Variants in TET2 observed in about 807,000 individuals in gnomAD.
TET2 encodes methylcytosine dioxygenase TET2.
TET2 carries 299 observed loss-of-function variants against 142.9 expected under a neutral mutation model. That is an observed-to-expected ratio of 2.09 (90% confidence interval 1.90 to 2.30). The LOEUF (loss-of-function observed/expected upper bound fraction) is 2.30, where lower values mean the gene tolerates loss of function less well. Ranked by LOEUF, TET2 falls within the 30% of genes most tolerant of loss-of-function variation. The pLI is 0.00. For synonymous variants in TET2, 819 were observed against 849.0 expected, an observed-to-expected ratio of 0.96 and a Z score of 0.61; for missense variants, 2,418 against 2,378.0, an observed-to-expected ratio of 1.02 and a Z score of -0.35.
At chr4:105,248,842 C>T (rs1729714772) in intron 6 of TET2, among the ~76,000 whole-genome samples, 1 of 151,938 alleles carries the variant, frequency 6.6e-6, no homozygotes. Context: ...TAAGTGGCAA[C>T]CACAAATAAA....
At chr4:105,256,581 G>T (rs1032318809) in intron 6 of TET2, among the ~76,000 whole-genome samples, 1 of 151,980 alleles carries the variant, frequency 6.6e-6, no homozygotes, top group African/African-American at 2.4e-5. Flanking sequence ...CATATCTTTG[G>T]GTTTATGTTA....
chr4:105,231,950 G>T (rs1467786925), intron 2 of TET2, among the ~76,000 whole-genome samples: 1 of 152,114 alleles, frequency 6.6e-6, no homozygotes, highest in Non-Finnish European at 1.5e-5. Context: ...ATGCCTTGGG[G>T]GTTTGGTGTA....
At chr4:105,156,246 T>C (rs954817658) in intron 1 of TET2, among the ~76,000 whole-genome samples, 1 of 152,346 alleles carries the variant, frequency 6.6e-6, no homozygotes, top group Admixed American at 6.5e-5. Flanking sequence ...TTATAAGTAA[T>C]TTATACAGAA....
intron 2 of TET2, among the ~76,000 whole-genome samples, chr4:105,230,734 A>T (rs1239039850): frequency 6.6e-6 from 1 of 152,058 alleles, no homozygotes; most frequent in African/African-American, 2.4e-5. Context: ...ACAACTTTTA[A>T]CTCTTTTTAC....
rs1481749168 is a variant in TET2 at position 105,276,498 on chromosome 4, G to A, written c.5988G>A (p.Gly1996=). Residue 1996 remains glycine (G), a synonymous_variant, in exon 11 of 11, where the codon GGG becomes GGA. Transcript: ENST00000380013. The stretch of plus-strand genomic sequence containing the variant: ...CATATGCCTTCACTCGGGTCACAGG[G>A]CCTTACAACAGATATATATGATATC... ...TSPYAFTRVT[G]PYNRYI The A allele has an allele frequency of 1.3e-6, 2 of 1,551,268 alleles. No individual in the cohort carries two copies. Among genetic ancestry groups the A allele is most frequent in the African/African-American group, 2.7e-5 (2 of 73,096 alleles).
Position 105,236,474 on chromosome 4 carries a change from T to G in TET2, c.2532T>G (p.Asn844Lys). 1 of 1,614,032 alleles carries G rather than the reference T, an allele frequency of 6.2e-7. No homozygotes were observed. Among genetic ancestry groups the G allele is most frequent in the Non-Finnish European group, 8.5e-7 (1 of 1,179,978 alleles). ...ACAATACACACCTAGTTTCAGAGAA[T>G]AAAGAACAGACTACACATCCTGAAC... Reference protein sequence around the residue: ...CSNNTHLVSENKEQTTHPELF... With the variant: ...CSNNTHLVSEKKEQTTHPELF... The change falls in exon 3 of 11, where the codon AAT becomes AAG. Residue 844 changes from asparagine (N) to lysine (K), a missense_variant. Asn to Lys is a moderately conservative substitution (Grantham distance 94). Coordinates refer to ENST00000380013, the MANE Select transcript of TET2 (RefSeq NM_001127208.3).
At chr4:105,202,233 T>A (rs551509399) in intron 2 of TET2, 2 of 152,148 alleles carry the variant, frequency 1.3e-5, no homozygotes, top group Admixed American at 1.3e-4. Flanking sequence ...TAACTTATTA[T>A]AGAAGGCTTA....
At chr4:105,232,946 A>G (rs1355899019) in intron 2 of TET2, among the ~76,000 whole-genome samples, 1 of 152,190 alleles carries the variant, frequency 6.6e-6, no homozygotes, top group Admixed American at 6.5e-5. Flanking sequence ...TAGTTTGAGA[A>G]CCATGCAGGC....
chr4:105,250,553 G>T (rs1729822482), intron 6 of TET2, among the ~76,000 whole-genome samples: 2 of 151,336 alleles, frequency 1.3e-5, no homozygotes, highest in Non-Finnish European at 2.9e-5. Context: ...TTTGACTGGG[G>T]TTCTGTTGAA....
At chr4:105,219,818 C>G (rs1727709093) in intron 2 of TET2, among the ~76,000 whole-genome samples, 1 of 152,016 alleles carries the variant, frequency 6.6e-6, no homozygotes, top group African/African-American at 2.4e-5. Flanking sequence ...GAGATTTACC[C>G]TCATTATATA....
chr4:105,240,986 TG>T, intron 3 of TET2: 2 of 1,087,046 alleles, frequency 1.8e-6, no homozygotes, highest in East Asian at 5.0e-5. Context: ...TAGCTTTAAA[TG>T]TTTTTTTTTT....
At chr4:105,161,000 TCCTGA>T (rs1283461371) in intron 1 of TET2, among the ~76,000 whole-genome samples, 1 of 152,192 alleles carries the variant, frequency 6.6e-6, no homozygotes, top group Non-Finnish European at 1.5e-5. Context: ...GGTTTTGAAC[TCCTGA>T]CCTGGTGATC....
chr4:105,262,896 A>G (rs2110290463), intron 8 of TET2, among the ~76,000 whole-genome samples: 1 of 151,666 alleles, frequency 6.6e-6, no homozygotes, highest in South Asian at 2.1e-4. Context: ...AAAAAAAAAA[A>G]TTCATCTTTA....
chr4:105,149,576 G>A (rs974673210), intron 1 of TET2, among the ~76,000 whole-genome samples: 1 of 152,102 alleles, frequency 6.6e-6, no homozygotes, highest in Non-Finnish European at 1.5e-5. Context: ...AATTCCATAG[G>A]ACTGTCTTGG....
At chr4:105,243,916 G>A (rs947658914) in intron 6 of TET2, 138 bp downstream of exon 6, 8 of 715,020 alleles carry the variant, frequency 1.1e-5, no homozygotes, top group South Asian at 8.9e-5. Context: ...GCAGTCATGC[G>A]ATAAGAAGTT....
intron 1 of TET2, among the ~76,000 whole-genome samples, chr4:105,165,184 G>A (rs1367682238): frequency 6.6e-6 from 1 of 151,978 alleles, no homozygotes; most frequent in Non-Finnish European, 1.5e-5. Context: ...AAACCAACCT[G>A]GCCAACGTAG....
In TET2 at chr4:105,235,363, C is replaced by T. The variant is rs202152392; in HGVS notation, c.1421C>T (p.Pro474Leu). The change falls in exon 3 of 11, where the codon CCG becomes CTG. Residue 474 changes from proline (P) to leucine (L), a missense_variant. Transcript: ENST00000380013. ...NPSTHVCSPSPMLSERPQNNC... is the reference protein window; with the variant it reads ...NPSTHVCSPSLMLSERPQNNC... The stretch of plus-strand genomic sequence containing the variant: ...TCTACACATGTATGCAGCCCTTCTC[C>T]GATGCTTTCTGAAAGGCCTCAGAAT... 167 of 1,613,994 alleles carry T rather than the reference C, an allele frequency of 1.0e-4. No individual in the cohort carries two copies. Among genetic ancestry groups the T allele is most frequent in the Middle Eastern group, 1.6e-4 (1 of 6,084 alleles).
chr4:105,168,903 C>T (rs1560720618), intron 1 of TET2, among the ~76,000 whole-genome samples: 1 of 152,182 alleles, frequency 6.6e-6, no homozygotes, highest in Non-Finnish European at 1.5e-5. Context: ...CAGGTCACTG[C>T]AAATGCCATT....
intron 1 of TET2, among the ~76,000 whole-genome samples, chr4:105,172,095 C>T (rs1209630599): frequency 6.6e-6 from 1 of 152,142 alleles, no homozygotes; most frequent in African/African-American, 2.4e-5. Context: ...GAACTTTGAG[C>T]TCAGCAAAGT....
Sources: allele counts gnomAD v4.1 joint callset (sites outside exome capture counted in the v4.1 genomes callset), GRCh38; gene constraint gnomAD v4.1.1; transcripts MANE v1.5; gene names NCBI Gene and HGNC (gene_info 2026-07-23, HGNC 2026-07-21).